The following FREM1 variants were observed in gnomAD, a reference collection of about 807,000 sequenced individuals.
FREM1 encodes the protein FRAS1 related extracellular matrix 1, also known as FRAS1-related extracellular matrix protein 1.
FREM1 carries 220 observed loss-of-function variants against 210.1 expected under a neutral mutation model. The observed-to-expected ratio is 1.05, with a 90% CI of 0.94 to 1.17. The LOEUF (loss-of-function observed/expected upper bound fraction) is 1.17, where lower values mean the gene tolerates loss of function less well. Among genes scored for constraint, FREM1 ranks in the 50% most tolerant of loss-of-function variants. The pLI is 0.00. For missense variants in FREM1, 3,454 were observed against 2,675.5 expected (o/e 1.29, Z -6.42); for synonymous variants, 1,189 against 980.2 (o/e 1.21, Z -3.98).
At chr9:14,782,167 G>A (rs946874335) in intron 24 of FREM1, among the ~76,000 whole-genome samples, 2 of 152,144 alleles carry the variant, frequency 1.3e-5, no homozygotes, top group African/African-American at 4.8e-5. Context: ...GCCTCTCTGG[G>A]GTAAGGCCCA....
chr9:14,848,198 C>T (rs141524235), intron 7 of FREM1, among the ~76,000 whole-genome samples: 1 of 152,184 alleles, frequency 6.6e-6, no homozygotes, highest in African/African-American at 2.4e-5. Context: ...TAAGTCCACT[C>T]AGAATTGAGA....
intron 24 of FREM1, among the ~76,000 whole-genome samples, chr9:14,778,201 ACAAAC>A (rs1190028875): frequency 2.0e-5 from 3 of 152,190 alleles, no homozygotes; most frequent in Non-Finnish European, 2.9e-5. Context: ...TTTTCTCAAA[ACAAAC>A]CAATCAGTTT....
At chr9:14,870,791 C>T (rs201082950) in intron 1 of FREM1, among the ~76,000 whole-genome samples, 34 of 147,214 alleles carry the variant, frequency 2.3e-4, no homozygotes, top group African/African-American at 8.5e-4. Context: ...TCTCCTAATG[C>T]TATCCCTCCC....
At chr9:14,812,178 T>C (rs752148838) in intron 16 of FREM1, among the ~76,000 whole-genome samples, 27 of 152,214 alleles carry the variant, frequency 1.8e-4, no homozygotes, top group Non-Finnish European at 3.2e-4. Flanking sequence ...TGCTTAGTGC[T>C]ATAAGTTACA....
chr9:14,770,794 C>T lies in FREM1; in HGVS notation c.4870G>A (p.Asp1624Asn). The T allele has an allele frequency of 6.2e-7, 1 of 1,611,692 alleles. No individual in the cohort carries two copies. Among genetic ancestry groups the T allele is most frequent in the South Asian group, 1.1e-5 (1 of 90,716 alleles). The change falls in exon 26 of 37, where the codon GAC (aspartate) becomes AAC (asparagine). Residue 1624 changes from aspartate (D) to asparagine (N), a missense_variant. Transcript: ENST00000380880. The stretch of plus-strand genomic sequence containing the variant: ...AGTGTGATACGAGGAGCTGTTTTGT[C>T]CAATTGGTCTACCTGGATCATCAAC... ...VLFTIQVDQL[D>N]KTAPRITLLH... is the part of the protein sequence containing the mutation.
intron 2 of FREM1, 33 bp downstream of exon 2, chr9:14,868,711 A>G (rs1410010072): frequency 3.7e-6 from 5 of 1,364,442 alleles, no homozygotes; most frequent in South Asian, 1.2e-5. Flanking sequence ...ATTCATACAC[A>G]CGACTGAACA....
Position 14,897,216 on chromosome 9 carries a change from A to G in FREM1, c.-268+12698T>C, listed in dbSNP as rs556614325. ...TACCTGGCACTGTTGTAACTCATTT[A>G]ACCTTCACTACAATGTATGAACTCA... On this transcript the variant is annotated intron_variant, in intron 1 of 36. Coordinates refer to ENST00000380880, the MANE Select transcript of FREM1 (RefSeq NM_001379081.2). Among the ~76,000 whole-genome samples, 4 of 152,342 alleles carry G rather than the reference A, an allele frequency of 2.6e-5. No homozygotes were observed. The East Asian group carries it at 7.7e-4, about 29-fold the overall frequency.
chr9:14,875,445 C>A (rs1386474742), intron 1 of FREM1, among the ~76,000 whole-genome samples: 1 of 152,132 alleles, frequency 6.6e-6, no homozygotes, highest in African/African-American at 2.4e-5. Flanking sequence ...TCACTGATAC[C>A]CTTTCTTCCA....
At chr9:14,894,902 G>A (rs1381420857) in intron 1 of FREM1, among the ~76,000 whole-genome samples, 3 of 152,180 alleles carry the variant, frequency 2.0e-5, no homozygotes, top group African/African-American at 7.2e-5. Flanking sequence ...GCTTTGACTG[G>A]AATGGTGCGC....
intron 10 of FREM1, among the ~76,000 whole-genome samples, chr9:14,830,032 G>C (rs1564025602): frequency 6.6e-6 from 1 of 152,262 alleles, no homozygotes; most frequent in East Asian, 1.9e-4. Context: ...CAGGTACCTG[G>C]GGGGTGCATA....
At chr9:14,799,591 T>C (rs1393359010) in intron 20 of FREM1, among the ~76,000 whole-genome samples, 1 of 152,098 alleles carries the variant, frequency 6.6e-6, no homozygotes, top group Non-Finnish European at 1.5e-5. Context: ...CAAATGTTAT[T>C]TTTTAAAAAA....
intron 1 of FREM1, among the ~76,000 whole-genome samples, chr9:14,873,666 C>T (rs1181773004): frequency 6.6e-6 from 1 of 152,050 alleles, no homozygotes; most frequent in African/African-American, 2.4e-5. Flanking sequence ...TCTCTATTTC[C>T]TTCAGTTCTG....
At chr9:14,838,398 G>C (rs1168090304) in intron 10 of FREM1, among the ~76,000 whole-genome samples, 1 of 152,090 alleles carries the variant, frequency 6.6e-6, no homozygotes, top group Non-Finnish European at 1.5e-5. Context: ...AATTGAGAAT[G>C]TAAACATCAA....
In FREM1 at chr9:14,869,077, G is replaced by A. The variant is rs1005596715; in HGVS notation, c.-100C>T. On this transcript the variant is annotated 5_prime_UTR_variant, in exon 2 of 37. Transcript: ENST00000380880. ...GGAGGGTCAGCTCATAGTCCAAGGG[G>A]CAGGGTGAGGGGTCCTGACAATGTG... 2 of 737,636 alleles carry A rather than the reference G, an allele frequency of 2.7e-6. No individual in the cohort carries two copies. The highest frequency in any genetic ancestry group is 5.7e-5 in the Admixed American group (2 of 35,168). 45.7% of individuals were successfully genotyped at this position (737,636 alleles called of 1,614,324 possible).
At chr9:14,861,056 T>TATATACATATATACAC (rs1830232947) in intron 3 of FREM1, among the ~76,000 whole-genome samples, 1 of 71,404 alleles carries the variant, frequency 1.4e-5, no homozygotes, top group African/African-American at 7.9e-5. Context: ...CATATATACA[T>TATATACATATATACAC]ATATACACAT....
chr9:14,839,533 C>T (rs560779628), intron 10 of FREM1, among the ~76,000 whole-genome samples: 1 of 152,196 alleles, frequency 6.6e-6, no homozygotes, highest in South Asian at 2.1e-4. Context: ...AAGATGAAAG[C>T]AGAGAAAAAC....
chr9:14,800,575 G>C (rs1817082789), intron 20 of FREM1, among the ~76,000 whole-genome samples: 1 of 152,044 alleles, frequency 6.6e-6, no homozygotes. Flanking sequence ...TGGAAATTTT[G>C]GCAGACCAGT....
intron 10 of FREM1, among the ~76,000 whole-genome samples, chr9:14,832,086 GGACTCCTT>G (rs1407644611): frequency 6.6e-6 from 1 of 152,174 alleles, no homozygotes; most frequent in Non-Finnish European, 1.5e-5. Context: ...TGAAGCACTG[GGACTCCTT>G]CGACCTTGAA....
intron 23 of FREM1, among the ~76,000 whole-genome samples, chr9:14,785,138 G>GGTCATTGCAGTACT (rs2132877632): frequency 6.6e-6 from 1 of 152,288 alleles, no homozygotes; most frequent in Non-Finnish European, 1.5e-5. Context: ...GCACCCAAAT[G>GGTCATTGCAGTACT]GTCATTGCAG....
Sources: gnomAD v4.1 joint callset for allele counts (sites outside exome capture counted in the v4.1 genomes callset) on GRCh38, gnomAD v4.1.1 for gene constraint, MANE v1.5 for transcripts, NCBI Gene and HGNC (gene_info 2026-07-23, HGNC 2026-07-21) for gene names.